Variants in CTTN observed in about 807,000 individuals in gnomAD.
CTTN encodes cortactin, also known as src substrate cortactin.
Under a neutral mutation model 84.0 loss-of-function variants are expected in CTTN, and 28 were observed. The observed-to-expected ratio is 0.33, with a 90% confidence interval of 0.25 to 0.46. The LOEUF is 0.46. CTTN is among the 20% of genes least tolerant of loss of function. The pLI, the probability that CTTN is intolerant of heterozygous loss-of-function variation, is 1.00. For synonymous variants in CTTN, 301 were observed against 288.8 expected (o/e 1.04, Z -0.43); for missense variants, 641 against 723.8 (o/e 0.89, Z 1.31).
At chr11:70,406,142 A>G (rs1468033334) in intron 2 of CTTN, among the ~76,000 whole-genome samples, 1 of 152,234 alleles carries the variant, frequency 6.6e-6, no homozygotes, top group Admixed American at 6.5e-5. Context: ...TTCCAGGGGC[A>G]CTGTTAGTCC....
At chr11:70,428,531 C>T (rs896378337) in intron 13 of CTTN, among the ~76,000 whole-genome samples, 2 of 152,164 alleles carry the variant, frequency 1.3e-5, no homozygotes, top group African/African-American at 4.8e-5. Context: ...CACTGTCTTT[C>T]CCAGGCTGGT....
At chr11:70,412,200 G>T (rs1017523648) in intron 5 of CTTN, among the ~76,000 whole-genome samples, 1 of 152,164 alleles carries the variant, frequency 6.6e-6, no homozygotes, top group Admixed American at 6.5e-5. Context: ...GCCGAGGCAG[G>T]ATGATCTTAT....
intron 10 of CTTN, 64 bp downstream of exon 10, chr11:70,420,574 A>C: frequency 1.7e-6 from 2 of 1,207,150 alleles, no homozygotes; most frequent in Non-Finnish European, 2.5e-6. Flanking sequence ...TTGCGGGGTC[A>C]GTTGGTATGT....
intron 11 of CTTN, chr11:70,421,795 T>A: frequency 1.8e-6 from 1 of 548,542 alleles, no homozygotes; most frequent in Non-Finnish European, 3.2e-6. Context: ...GTGATCTGTG[T>A]ATGGCAGGAT....
chr11:70,419,907 G>C (rs374754920), intron 9 of CTTN, 51 bp downstream of exon 9: 12 of 1,391,890 alleles, frequency 8.6e-6, no homozygotes, highest in Non-Finnish European at 1.2e-5. Flanking sequence ...AATGTGACAG[G>C]TGGTAGCCAC....
At chr11:70,420,864 C>T (rs1008357213) in intron 10 of CTTN, among the ~76,000 whole-genome samples, 5 of 151,014 alleles carry the variant, frequency 3.3e-5, no homozygotes, top group African/African-American at 1.2e-4. Flanking sequence ...AGGCCTGCAG[C>T]GGGGGGCTGG....
Position 70,435,660 on chromosome 11 carries a change from C to A in CTTN, c.*498C>A. On this transcript the variant is annotated 3_prime_UTR_variant, in exon 18 of 18. Transcript: ENST00000301843. ...GGACTGGGCCTGATGGAAGTTAACCCGGAGCTAAGTCACCCAGAGCACAGG... is the reference window on the plus strand; with the variant it reads ...GGACTGGGCCTGATGGAAGTTAACCAGGAGCTAAGTCACCCAGAGCACAGG... The A allele has an allele frequency of 1.3e-6, 2 of 1,596,610 alleles. No individual in the cohort carries two copies.
At chr11:70,411,631 C>T (rs1220094827) in intron 5 of CTTN, among the ~76,000 whole-genome samples, 2 of 152,206 alleles carry the variant, frequency 1.3e-5, no homozygotes, top group Admixed American at 6.5e-5. Flanking sequence ...AGAAAGGCAA[C>T]GTGTCAGGAG....
At position 70,433,194 on chromosome 11, in the gene CTTN, C is replaced by T. The variant is rs372775001; in HGVS notation, c.1360C>T (p.Arg454Ter). 3.1e-6 allele frequency: 5 copies of T among 1,613,408 alleles called. No individual in the cohort carries two copies. The highest frequency in any genetic ancestry group is 3.4e-6 in the Non-Finnish European group (4 of 1,179,986). The change falls in exon 16 of 18, where the codon CGA becomes TGA. Residue 454 changes from arginine (R) to a stop codon, truncating the protein, a stop_gained. Coordinates refer to ENST00000301843, the MANE Select transcript of CTTN (RefSeq NM_005231.4). LOFTEE classifies it high-confidence loss of function. ...PVYSMEAADYREASSQQGLAY... is the reference protein window; with the variant it reads ...PVYSMEAADY The stretch of plus-strand genomic sequence containing the variant: ...GTACAGCATGGAGGCCGCTGACTAC[C>T]GAGAGGCCAGCAGCCAGCAGGGCCT...
chr11:70,402,030 G>GT (rs2057990516), intron 1 of CTTN, among the ~76,000 whole-genome samples: 1 of 152,114 alleles, frequency 6.6e-6, no homozygotes, highest in Non-Finnish European at 1.5e-5. Flanking sequence ...GCGCATGCCT[G>GT]TAATCCCAGC....
chr11:70,403,378 G>A (rs905727302), intron 1 of CTTN, among the ~76,000 whole-genome samples: 3 of 151,802 alleles, frequency 2.0e-5, no homozygotes, highest in African/African-American at 7.3e-5. Flanking sequence ...TCGTAGAGAC[G>A]GGGTTTCACC....
chr11:70,411,785 C>G (rs1424208599), intron 5 of CTTN, among the ~76,000 whole-genome samples: 2 of 152,204 alleles, frequency 1.3e-5, no homozygotes, highest in Non-Finnish European at 2.9e-5. Context: ...ACTTCCCTCT[C>G]TCCTGTGCGG....
At chr11:70,419,057 G>A (rs2058198256) in intron 8 of CTTN, among the ~76,000 whole-genome samples, 1 of 150,646 alleles carries the variant, frequency 6.6e-6, no homozygotes, top group Non-Finnish European at 1.5e-5. Flanking sequence ...TTACAGGTGT[G>A]AGCCACTGTG....
At chr11:70,419,610 A>T in intron 8 of CTTN, 136 bp from the exon 9 acceptor site, 1 of 675,800 alleles carries the variant, frequency 1.5e-6, no homozygotes, top group Non-Finnish European at 2.5e-6. Flanking sequence ...TAGCACCTTT[A>T]AATACTGTCT....
intron 10 of CTTN, 114 bp from the exon 11 acceptor site, chr11:70,421,356 A>G: frequency 1.3e-6 from 1 of 786,960 alleles, no homozygotes; most frequent in Non-Finnish European, 2.2e-6. Context: ...TAAGCTCAGG[A>G]GAGCCCTTGC....
At chr11:70,431,582 A>G (rs1479444852) in intron 15 of CTTN, among the ~76,000 whole-genome samples, 1 of 152,042 alleles carries the variant, frequency 6.6e-6, no homozygotes, top group Non-Finnish European at 1.5e-5. Flanking sequence ...AGATAATCAG[A>G]TGGGGGTGTC....
intron 1 of CTTN, among the ~76,000 whole-genome samples, chr11:70,400,319 C>T (rs932181342): frequency 7.9e-5 from 12 of 152,054 alleles, no homozygotes; most frequent in Non-Finnish European, 1.6e-4. Flanking sequence ...AAAAGAAATT[C>T]GCTGGGCATG....
rs1465133780 is a variant in CTTN, at chr11:70,414,771, G to T, written c.402+119G>T. On this transcript the variant is annotated intron_variant, in intron 6 of 17. Coordinates refer to ENST00000301843, the MANE Select transcript of CTTN (RefSeq NM_005231.4). ...AGGTGCCCTCCAGCTCTGGGGGACT[G>T]CAGAGAGGGGCATCTGCCTCCCAGG... 8 of 669,114 alleles carry T rather than the reference G, an allele frequency of 1.2e-5. No individual in the cohort carries two copies. In the Admixed American group the frequency reaches 1.8e-4, roughly 15 times the overall value. 41.4% of individuals were successfully genotyped at this position (669,114 alleles called of 1,614,324 possible). A position where few individuals can be genotyped will look rare whatever the true frequency, so the allele number is the denominator to read the frequency against.
rs1041208765 is a variant in CTTN, at chr11:70,431,418, G to A, written c.1266+138G>A. ...GGCATCGCTGCATTCCACGCCCGGA[G>A]AGGGGTGGGCCAGGAGCGCCTGGGG... On this transcript the variant is annotated intron_variant, in intron 15 of 17. Transcript: ENST00000301843. The A allele has an allele frequency of 3.3e-6, 3 of 903,268 alleles. No individual in the cohort carries two copies. In the Admixed American group the frequency reaches 5.9e-5, roughly 18 times the overall value. 56.0% of individuals were successfully genotyped at this position (903,268 alleles called of 1,614,324 possible). A position where few individuals can be genotyped will look rare whatever the true frequency, so the allele number is the denominator to read the frequency against.
Sources: gnomAD v4.1 joint callset for allele counts (sites outside exome capture counted in the v4.1 genomes callset) on GRCh38, gnomAD v4.1.1 for gene constraint, MANE v1.5 for transcripts, NCBI Gene and HGNC (gene_info 2026-07-23, HGNC 2026-07-21) for gene names.